The following AUTS2 variants were observed in gnomAD, a reference collection of about 807,000 sequenced individuals.
AUTS2 encodes autism susceptibility gene 2 protein.
AUTS2 carries 17 observed loss-of-function variants against 112.4 expected under a neutral mutation model. The ratio of observed to expected loss-of-function variants is 0.15; its 90% CI spans 0.10 to 0.23. AUTS2 has a LOEUF of 0.23. Among genes scored for constraint, AUTS2 ranks in the 10% least tolerant of loss-of-function variants. The pLI is 1.00. For synonymous variants in AUTS2, 751 were observed against 702.7 expected, an observed-to-expected ratio of 1.07 and a Z score of -1.09; for missense variants, 1,510 against 1,701.6, an observed-to-expected ratio of 0.89 and a Z score of 1.98.
chr7:69,724,672 A>G (rs1306427220), intron 1 of AUTS2, among the ~76,000 whole-genome samples: 2 of 152,232 alleles, frequency 1.3e-5, no homozygotes, highest in African/African-American at 2.4e-5. Context: ...AGGGATAAAT[A>G]TTAATAACCA....
rs530885485 is a variant in AUTS2, at chr7:70,786,917, C to T, written c.2309-292C>T. The T allele has an allele frequency of 2.1e-4, 97 of 470,464 alleles. No individual in the cohort carries two copies. In the East Asian group the frequency reaches 3.7e-3, roughly 18 times the overall value. 29.1% of individuals were successfully genotyped at this position (470,464 alleles called of 1,614,324 possible). On this transcript the variant is annotated intron_variant, in intron 17 of 18. Coordinates refer to ENST00000342771, the MANE Select transcript of AUTS2 (RefSeq NM_015570.4). ...CTGGAACTTCTGCATGCACCAGATA[C>T]GTTGAATTAGGTCATCTCAGTACCC...
At chr7:70,339,417 A>G (rs1791154090) in intron 4 of AUTS2, among the ~76,000 whole-genome samples, 1 of 152,220 alleles carries the variant, frequency 6.6e-6, no homozygotes, top group African/African-American at 2.4e-5. Flanking sequence ...ACAGAAATAT[A>G]AGTAATACTC....
At chr7:70,322,958 T>C (rs1375512101) in intron 4 of AUTS2, among the ~76,000 whole-genome samples, 1 of 152,200 alleles carries the variant, frequency 6.6e-6, no homozygotes, top group Non-Finnish European at 1.5e-5. Flanking sequence ...TCTGATTTGA[T>C]TCCAAGCTCA....
Position 70,541,693 on chromosome 7 carries a change from T to C in AUTS2, c.690+105912T>C, listed in dbSNP as rs554625853. On this transcript the variant is annotated intron_variant, in intron 5 of 18. Transcript: ENST00000342771. ...GCACAGTTGCTTCCCTCACAATTTA[T>C]TGGGAGGGACAGACAATTGACTGTG... is the stretch of plus-strand genomic sequence containing the variant. 4.6e-5 allele frequency among the ~76,000 whole-genome samples: 7 copies of C among 152,244 alleles called. No individual in the cohort carries two copies. In the East Asian group the frequency reaches 1.2e-3, roughly 25 times the overall value.
chr7:70,728,648 C>T (rs1787173530), intron 6 of AUTS2, among the ~76,000 whole-genome samples: 1 of 141,956 alleles, frequency 7.0e-6, no homozygotes, highest in Admixed American at 7.6e-5. Flanking sequence ...GCGGAGGTTG[C>T]AGTGAGCCAT....
chr7:69,715,141 C>T (rs1484775052), intron 1 of AUTS2, among the ~76,000 whole-genome samples: 1 of 150,892 alleles, frequency 6.6e-6, no homozygotes, highest in Non-Finnish European at 1.5e-5. Flanking sequence ...TGAGAAATCC[C>T]TCACTTAGTT....
At chr7:70,275,839 C>A (rs1029126733) in intron 4 of AUTS2, among the ~76,000 whole-genome samples, 1 of 152,154 alleles carries the variant, frequency 6.6e-6, no homozygotes, top group Non-Finnish European at 1.5e-5. Flanking sequence ...CTGCCATGAT[C>A]GTAAGTTTCC....
chr7:69,680,486 T>C (rs1180764169), intron 1 of AUTS2, among the ~76,000 whole-genome samples: 3 of 152,196 alleles, frequency 2.0e-5, no homozygotes. Context: ...ATCTTAACCA[T>C]TTTAAAGTGT....
chr7:69,898,253 T>C (rs1017947278), intron 1 of AUTS2, among the ~76,000 whole-genome samples: 1 of 152,110 alleles, frequency 6.6e-6, no homozygotes, highest in Admixed American at 6.5e-5. Context: ...ACTGAGGAAG[T>C]GTGGTAAGGC....
At chr7:70,233,945 A>G (rs1161591172) in intron 4 of AUTS2, among the ~76,000 whole-genome samples, 1 of 152,222 alleles carries the variant, frequency 6.6e-6, no homozygotes, top group Non-Finnish European at 1.5e-5. Context: ...GAGTGAGATC[A>G]TTGTCCAAAG....
intron 4 of AUTS2, among the ~76,000 whole-genome samples, chr7:70,244,402 C>CT (rs1412579454): frequency 2.6e-5 from 4 of 152,216 alleles, no homozygotes; most frequent in Non-Finnish European, 5.9e-5. Context: ...GACATATACA[C>CT]TATCTTTAAA....
intron 4 of AUTS2, among the ~76,000 whole-genome samples, chr7:70,167,430 A>G (rs563329257): frequency 6.6e-6 from 1 of 152,272 alleles, no homozygotes; most frequent in Non-Finnish European, 1.5e-5. Flanking sequence ...AGCAAAAACT[A>G]ATAGAATTAT....
intron 2 of AUTS2, among the ~76,000 whole-genome samples, chr7:70,056,338 A>T (rs926793641): frequency 7.2e-5 from 11 of 152,102 alleles, no homozygotes; most frequent in African/African-American, 2.7e-4. Flanking sequence ...GCATGCCTAG[A>T]TGTATCTTCA....
chr7:70,790,000 C>G lies in AUTS2; in HGVS notation c.2784C>G (p.Ala928=). 1 of 1,600,692 alleles carries G rather than the reference C, an allele frequency of 6.2e-7. No homozygotes were observed. Among genetic ancestry groups the G allele is most frequent in the Non-Finnish European group, 8.5e-7 (1 of 1,173,982 alleles). The change falls in exon 19 of 19, where the codon GCC becomes GCG. Residue 928 remains alanine, a synonymous_variant. Coordinates refer to ENST00000342771, the MANE Select transcript of AUTS2 (RefSeq NM_015570.4). ...EKDGHGHEGR[A]AGEEAKQLAR... Reference sequence around the variant, plus strand: ...ACGGGCACGGCCACGAGGGGCGCGCCGCGGGCGAAGAGGCCAAGCAGCTGG... The same window carrying G: ...ACGGGCACGGCCACGAGGGGCGCGCGGCGGGCGAAGAGGCCAAGCAGCTGG...
chr7:69,942,071 T>C (rs1197388570), intron 2 of AUTS2, among the ~76,000 whole-genome samples: 4 of 152,182 alleles, frequency 2.6e-5, no homozygotes, highest in Admixed American at 2.0e-4. Context: ...TTGTATCTTA[T>C]GGTCATATTG....
chr7:70,182,537 A>G (rs1381172905), intron 4 of AUTS2, among the ~76,000 whole-genome samples: 8 of 152,242 alleles, frequency 5.3e-5, no homozygotes, highest in African/African-American at 1.9e-4. Flanking sequence ...ATTTATAATC[A>G]AATCGAACTG....
intron 1 of AUTS2, among the ~76,000 whole-genome samples, chr7:69,751,636 G>A (rs1342805801): frequency 6.6e-6 from 1 of 152,178 alleles, no homozygotes; most frequent in African/African-American, 2.4e-5. Context: ...TTGTTTCTCA[G>A]CATATAAACT....
intron 4 of AUTS2, among the ~76,000 whole-genome samples, chr7:70,255,238 T>G (rs1460336092): frequency 6.6e-6 from 1 of 151,894 alleles, no homozygotes; most frequent in East Asian, 1.9e-4. Context: ...CACGCCTGGC[T>G]AATTTTTGTA....
chr7:70,668,426 C>T (rs138066986), intron 5 of AUTS2, among the ~76,000 whole-genome samples: 1 of 152,338 alleles, frequency 6.6e-6, no homozygotes, highest in African/African-American at 2.4e-5. Context: ...CCCCAAATTG[C>T]CAGCTCCCTG....
Sources: gnomAD v4.1 joint callset for allele counts (sites outside exome capture counted in the v4.1 genomes callset) on GRCh38, gnomAD v4.1.1 for gene constraint, MANE v1.5 for transcripts, NCBI Gene and HGNC (gene_info 2026-07-23, HGNC 2026-07-21) for gene names.